MORC1: variants seen among roughly 807,000 people sequenced by gnomAD.
MORC1 encodes MORC family CW-type zinc finger 1, also known as MORC family CW-type zinc finger protein 1.
MORC1 carries 59 observed loss-of-function variants against 134.9 expected under a neutral mutation model. The ratio of observed to expected loss-of-function variants is 0.44; its 90% confidence interval spans 0.35 to 0.54. MORC1 has a LOEUF of 0.54. MORC1 is among the 20% of genes least tolerant of loss of function. MORC1 has a pLI of 0.00. For synonymous variants in MORC1, 395 were observed against 391.7 expected, an observed-to-expected ratio of 1.01 and a Z score of -0.10; for missense variants, 947 against 1,134.5, an observed-to-expected ratio of 0.83 and a Z score of 2.37.
At chr3:109,075,130 C>T (rs71321285) in intron 8 of MORC1, among the ~76,000 whole-genome samples, 3,472 of 152,256 alleles carry the variant, frequency 0.023, 65 homozygotes, top group Middle Eastern at 0.11. Flanking sequence ...TGGCAGTAGA[C>T]AATCAATATC....
intron 21 of MORC1, among the ~76,000 whole-genome samples, chr3:108,999,787 G>C (rs1948347439): frequency 6.6e-6 from 1 of 152,126 alleles, no homozygotes; most frequent in East Asian, 1.9e-4. Flanking sequence ...AAACTATAAT[G>C]AGTAATAAAA....
intron 8 of MORC1, among the ~76,000 whole-genome samples, chr3:109,084,369 C>G (rs145620378): frequency 6.6e-6 from 1 of 151,984 alleles, no homozygotes; most frequent in Non-Finnish European, 1.5e-5. Flanking sequence ...AGCAAACAAT[C>G]TAAAAAAGAA....
At chr3:108,972,332 C>T (rs1358903477) in intron 24 of MORC1, among the ~76,000 whole-genome samples, 7 of 152,128 alleles carry the variant, frequency 4.6e-5, no homozygotes, top group African/African-American at 1.7e-4. Flanking sequence ...TGTATATTAT[C>T]TAAGGGATTT....
At chr3:109,054,186 G>A (rs1326468748) in intron 14 of MORC1, among the ~76,000 whole-genome samples, 2 of 151,858 alleles carry the variant, frequency 1.3e-5, no homozygotes, top group East Asian at 3.9e-4. Context: ...GGAGGCTGAG[G>A]CAGAGAATTG....
chr3:109,081,704 C>A (rs559733679), intron 8 of MORC1, among the ~76,000 whole-genome samples: 1 of 152,104 alleles, frequency 6.6e-6, no homozygotes, highest in African/African-American at 2.4e-5. Flanking sequence ...CTGCCTGCCT[C>A]GGCCTCCCAA....
chr3:109,008,873 T>C (rs1364782870), intron 17 of MORC1, among the ~76,000 whole-genome samples: 3 of 152,150 alleles, frequency 2.0e-5, no homozygotes, highest in African/African-American at 7.2e-5. Context: ...TACTAAGAAG[T>C]ATGCTAAAAT....
intron 17 of MORC1, among the ~76,000 whole-genome samples, chr3:109,020,567 C>A (rs977197338): frequency 1.3e-5 from 2 of 152,056 alleles, no homozygotes; most frequent in Non-Finnish European, 2.9e-5. Context: ...GAGATCGAGA[C>A]CATCCTGGCT....
At chr3:109,043,180 GCAAAAT>G (rs1949597673) in intron 14 of MORC1, among the ~76,000 whole-genome samples, 201 of 38,002 alleles carry the variant, frequency 5.3e-3, no homozygotes, top group Middle Eastern at 0.017. Context: ...GCAAAATGTG[GCAAAAT>G]GTGGGGGGGG....
At chr3:109,005,342 T>A (rs887607502) in intron 18 of MORC1, 27 bp from the exon 19 acceptor site, 1 of 1,553,906 alleles carries the variant, frequency 6.4e-7, no homozygotes, top group South Asian at 1.2e-5. Context: ...CATGTTTTTA[T>A]TTTTTGGTAG....
chr3:108,971,514 C>T (rs910062655), intron 24 of MORC1, 112 bp from the exon 25 acceptor site: 5 of 826,836 alleles, frequency 6.0e-6, no homozygotes, highest in South Asian at 5.1e-5. Flanking sequence ...CAAAGATGAA[C>T]ATTAGTTCCC....
chr3:109,037,063 T>C (rs1949396658), intron 14 of MORC1, among the ~76,000 whole-genome samples: 1 of 152,200 alleles, frequency 6.6e-6, no homozygotes, highest in South Asian at 2.1e-4. Flanking sequence ...TTAGGTAGAT[T>C]CACATTGCAT....
intron 17 of MORC1, among the ~76,000 whole-genome samples, chr3:109,017,139 C>G (rs1028659881): frequency 1.4e-5 from 2 of 146,962 alleles, no homozygotes; most frequent in African/African-American, 5.1e-5. Flanking sequence ...CTGGCTTTCC[C>G]TCTGAAACTT....
intron 21 of MORC1, among the ~76,000 whole-genome samples, chr3:108,990,898 T>TTCTCTCTCTCTCTCTCTCTCTC (rs34333221): frequency 1.0e-4 from 15 of 145,752 alleles, no homozygotes; most frequent in African/African-American, 3.8e-4. Flanking sequence ...GTTTCTCTCT[T>TTCTCTCTCTCTCTCTCTCTCTC]TCTCTCTCTC....
At chr3:108,974,518 T>C (rs544936394) in intron 24 of MORC1, among the ~76,000 whole-genome samples, 3 of 152,260 alleles carry the variant, frequency 2.0e-5, no homozygotes, top group East Asian at 3.9e-4. Context: ...CAGGAATCCA[T>C]AAAGTACATT....
intron 16 of MORC1, 123 bp downstream of exon 16, chr3:109,032,597 G>A (rs367759834): frequency 1.2e-5 from 8 of 669,478 alleles, no homozygotes; most frequent in East Asian, 1.1e-4. Context: ...ATTAGAAAGA[G>A]TTTGAAGAGA....
Position 108,979,499 on chromosome 3 carries a change from G to C in MORC1, c.2477+16C>G, listed in dbSNP as rs1015372618. 6.2e-7 allele frequency: 1 copy of C among 1,612,088 alleles called. No individual in the cohort carries two copies. ...TTAAACAAAGCATGTGGAAATATGT[G>C]AGTAAATATCTTTACCTTAACTTAG... is the stretch of plus-strand genomic sequence containing the variant. On this transcript the variant is annotated intron_variant, in intron 24 of 27. Transcript: ENST00000232603.
chr3:108,980,047 A>G (rs1448300344), intron 23 of MORC1, among the ~76,000 whole-genome samples: 2 of 152,214 alleles, frequency 1.3e-5, no homozygotes. Context: ...CAATGGATAT[A>G]CTTAAAAAGC....
At chr3:109,028,879 C>T (rs1184800552) in intron 16 of MORC1, among the ~76,000 whole-genome samples, 1 of 152,104 alleles carries the variant, frequency 6.6e-6, no homozygotes, top group African/African-American at 2.4e-5. Flanking sequence ...TCTTCGAGCC[C>T]ACTCTAGGTC....
At chr3:109,011,899 G>A (rs1948694933) in intron 17 of MORC1, among the ~76,000 whole-genome samples, 2 of 152,158 alleles carry the variant, frequency 1.3e-5, no homozygotes, top group African/African-American at 2.4e-5. Flanking sequence ...CTCCCAGTCT[G>A]TAGCTTGACT....
Sources: gnomAD v4.1 joint callset for allele counts (sites outside exome capture counted in the v4.1 genomes callset) on GRCh38, gnomAD v4.1.1 for gene constraint, MANE v1.5 for transcripts, NCBI Gene and HGNC (gene_info 2026-07-23, HGNC 2026-07-21) for gene names.